Variants in CCDC85C observed in about 807,000 individuals in gnomAD.
CCDC85C encodes coiled-coil domain-containing protein 85C.
A neutral mutation model predicts 38.3 loss-of-function variants in CCDC85C; 18 were observed. The observed-to-expected ratio is 0.47, with a 90% CI of 0.33 to 0.70. The LOEUF is 0.70. CCDC85C is among the 30% of genes least tolerant of loss of function. The pLI is 0.03. For missense variants in CCDC85C, 566 were observed against 621.2 expected, an observed-to-expected ratio of 0.91 and a Z score of 0.94; for synonymous variants, 264 against 293.8, an observed-to-expected ratio of 0.90 and a Z score of 1.04.
intron 1 of CCDC85C, among the ~76,000 whole-genome samples, chr14:99,543,889 G>A (rs769025352): frequency 2.0e-5 from 3 of 152,228 alleles, no homozygotes; most frequent in Non-Finnish European, 4.4e-5. Flanking sequence ...ATGGAGCCAG[G>A]CAGGCCTCAG....
At chr14:99,575,235 G>A (rs1370724878) in intron 1 of CCDC85C, among the ~76,000 whole-genome samples, 2 of 152,214 alleles carry the variant, frequency 1.3e-5, no homozygotes, top group Admixed American at 1.3e-4. Context: ...AGGGCATTAG[G>A]ATGCTTAGTG....
At chr14:99,585,695 C>G (rs537484953) in intron 1 of CCDC85C, among the ~76,000 whole-genome samples, 1 of 152,322 alleles carries the variant, frequency 6.6e-6, no homozygotes, top group South Asian at 2.1e-4. Flanking sequence ...GCTGCCTTGT[C>G]GGAGATCGCA....
At chr14:99,515,361 G>C (rs1402508212) in intron 5 of CCDC85C, 26 bp from the exon 6 acceptor site, 5 of 1,510,524 alleles carry the variant, frequency 3.3e-6, no homozygotes, top group Non-Finnish European at 4.5e-6. Flanking sequence ...AGATGTGAGT[G>C]GTGGGACTCA....
intron 2 of CCDC85C, among the ~76,000 whole-genome samples, chr14:99,530,037 T>C (rs1595344592): frequency 6.6e-6 from 1 of 152,200 alleles, no homozygotes; most frequent in Admixed American, 6.5e-5. Flanking sequence ...TGCTGGCAGG[T>C]GGCACTAGTG....
In CCDC85C at chr14:99,572,980, T is replaced by C. The variant is rs1898387032; in HGVS notation, c.793+30187A>G. Reference sequence around the variant, plus strand: ...CCTACAAGATAGGATGGCAGCAGCCTCAGAGCAGAAGGCACCCTGGTGACC... The same window carrying C: ...CCTACAAGATAGGATGGCAGCAGCCCCAGAGCAGAAGGCACCCTGGTGACC... On this transcript the variant is annotated intron_variant, in intron 1 of 5. Transcript: ENST00000380243. This position sits in a 1 kb window ranked among gnomAD's most constrained non-coding sequence, Gnocchi z 4.4. The C allele has an allele frequency of 2.6e-6, 1 of 378,608 alleles. No individual in the cohort carries two copies. Among genetic ancestry groups the C allele is most frequent in the Admixed American group, 3.1e-5 (1 of 31,798 alleles). The allele number at this position is 378,608 out of a possible 1,614,324, so 23.5% of individuals were successfully genotyped here. A position where few individuals can be genotyped will look rare whatever the true frequency, so the allele number is the denominator to read the frequency against.
chr14:99,586,552 G>A (rs904514914), intron 1 of CCDC85C, among the ~76,000 whole-genome samples: 2 of 152,194 alleles, frequency 1.3e-5, no homozygotes, highest in Non-Finnish European at 2.9e-5. Flanking sequence ...CCATGGGCTT[G>A]GGGGCTCCGC....
At chr14:99,561,375 C>G (rs995197434) in intron 1 of CCDC85C, among the ~76,000 whole-genome samples, 2 of 152,216 alleles carry the variant, frequency 1.3e-5, no homozygotes, top group Admixed American at 6.5e-5. Flanking sequence ...GAGTGGACAG[C>G]CCCGTGACCA....
At position 99,503,109 on chromosome 14, in the gene CCDC85C, G is replaced by A. The variant is rs540966665; in HGVS notation, c.*12137C>T. The A allele has an allele frequency of 1.4e-5, 15 of 1,092,210 alleles. No homozygotes were observed. The highest frequency in any genetic ancestry group is 6.2e-5 in the South Asian group (5 of 80,012). 67.7% of individuals were successfully genotyped at this position (1,092,210 alleles called of 1,614,324 possible). On this transcript the variant is annotated 3_prime_UTR_variant, in exon 6 of 6. Coordinates refer to ENST00000380243, the MANE Select transcript of CCDC85C (RefSeq NM_001144995.2). The stretch of plus-strand genomic sequence containing the variant: ...AAGCAGGGGGTGTTCGCCGAAACTC[G>A]CAGTCCGACTGCTTGTCGGTGGGGA...
intron 2 of CCDC85C, among the ~76,000 whole-genome samples, chr14:99,526,912 G>GA (rs1174862165): frequency 6.6e-6 from 1 of 152,126 alleles, no homozygotes; most frequent in African/African-American, 2.4e-5. Flanking sequence ...GGCAGCTGGG[G>GA]CCACAGACTA....
chr14:99,544,209 G>A lies in CCDC85C; in HGVS notation c.794-8121C>T, dbSNP rs1458574896. ...GGCAGCAAGGCCAAGGTCACCCGGC[G>A]GGAACCTTGCAGGGCTGAGATTTGA... On this transcript the variant is annotated intron_variant, in intron 1 of 5. Coordinates refer to ENST00000380243, the MANE Select transcript of CCDC85C (RefSeq NM_001144995.2). The surrounding 1 kb of genome is among the most constrained non-coding windows in gnomAD (Gnocchi z 5.3). Among the ~76,000 whole-genome samples the A allele has an allele frequency of 1.3e-5, 2 of 152,132 alleles. No homozygotes were observed. The highest frequency in any genetic ancestry group is 2.4e-5 in the African/African-American group (1 of 41,428).
At position 99,533,138 on chromosome 14, in the gene CCDC85C, A is replaced by AGCCTTT. The variant is rs1897526228; in HGVS notation, c.867+2871_867+2876dup. Among the ~76,000 whole-genome samples the AGCCTTT allele has an allele frequency of 6.6e-6, 1 of 152,086 alleles. No homozygotes were observed. Among genetic ancestry groups the AGCCTTT allele is most frequent in the Non-Finnish European group, 1.5e-5 (1 of 68,002 alleles). On this transcript the variant is annotated intron_variant, in intron 2 of 5. Transcript: ENST00000380243. This position sits in a 1 kb window ranked among gnomAD's most constrained non-coding sequence, Gnocchi z 4.2. ...CTCTGGGGATGCCACCAGCTCCTGG[A>AGCCTTT]GCCTTTGTTATGAGGTTCAGGGGCC...
In CCDC85C at chr14:99,603,183, G is replaced by C; in HGVS notation, c.777C>G (p.Ile259Met). Residue 259 changes from isoleucine to methionine, a missense_variant, in exon 1 of 6, where the codon ATC (isoleucine) becomes ATG (methionine). This residue lies in a region of CCDC85C where 286 missense variants were observed against 276.4 expected (regional missense o/e 1.03). Coordinates refer to ENST00000380243, the MANE Select transcript of CCDC85C (RefSeq NM_001144995.2). The surrounding 1 kb of genome is among the most constrained non-coding windows in gnomAD (Gnocchi z 7.5). ...DLSAPPHHRS[I>M]PNGLHDPSST... ...AGTCCTTACCGTGCAGGCCGTTGGG[G>C]ATGCTGCGGTGGTGCGGCGGCGCCG... 2 of 1,408,326 alleles carry C rather than the reference G, an allele frequency of 1.4e-6. No homozygotes were observed. The highest frequency in any genetic ancestry group is 3.0e-5 in the African/African-American group (2 of 67,070). 87.2% of individuals were successfully genotyped at this position (1,408,326 alleles called of 1,614,324 possible).
Position 99,510,630 on chromosome 14 carries a change from C to A in CCDC85C, c.*4616G>T. On this transcript the variant is annotated 3_prime_UTR_variant, in exon 6 of 6. Transcript: ENST00000380243. ...ACGCCTCCCGCCTACCCACGCAGTC[C>A]CCCCTCATCCTCCTCCAGGGTTGGG... 7.1e-7 allele frequency: 1 copy of A among 1,402,888 alleles called. No individual in the cohort carries two copies. Among genetic ancestry groups the A allele is most frequent in the Non-Finnish European group, 9.3e-7 (1 of 1,078,528 alleles). 86.9% of individuals were successfully genotyped at this position (1,402,888 alleles called of 1,614,324 possible).
intron 1 of CCDC85C, among the ~76,000 whole-genome samples, chr14:99,583,546 C>A (rs1003588020): frequency 2.0e-5 from 3 of 151,336 alleles, no homozygotes; most frequent in Non-Finnish European, 4.4e-5. Flanking sequence ...GTGGCTCATG[C>A]CTGTTATCCC....
intron 3 of CCDC85C, 27 bp from the exon 4 acceptor site, chr14:99,517,210 C>G: frequency 6.7e-7 from 1 of 1,495,564 alleles, no homozygotes; most frequent in Non-Finnish European, 9.0e-7. Flanking sequence ...CACATCTCAG[C>G]TCACCCTGGC....
In CCDC85C at chr14:99,512,193, G is replaced by A. The variant is rs750904592; in HGVS notation, c.*3053C>T. 8.5e-5 allele frequency: 13 copies of A among 152,188 alleles called. No homozygotes were observed. Among genetic ancestry groups the A allele is most frequent in the Non-Finnish European group, 1.5e-4 (10 of 68,030 alleles). 9.4% of individuals were successfully genotyped at this position (152,188 alleles called of 1,614,324 possible). On this transcript the variant is annotated 3_prime_UTR_variant, in exon 6 of 6. Transcript: ENST00000380243. The stretch of plus-strand genomic sequence containing the variant: ...CTCCCCACGTCAGAGTGGTTGAATA[G>A]AAGGTAGAAACAGGCCGGGAGTCCA...
chr14:99,525,344 C>G (rs1222132358), intron 2 of CCDC85C, among the ~76,000 whole-genome samples: 2 of 152,160 alleles, frequency 1.3e-5, no homozygotes, highest in Non-Finnish European at 1.5e-5. Context: ...TGGGGCCACC[C>G]TGGGGTGACC....
intron 1 of CCDC85C, among the ~76,000 whole-genome samples, chr14:99,546,057 TGGG>T (rs113645352): frequency 6.9e-6 from 1 of 145,594 alleles, no homozygotes; most frequent in African/African-American, 2.5e-5. Flanking sequence ...GAAGTCTGCA[TGGG>T]GGGGGGGAAT....
chr14:99,541,411 C>T (rs1324982314), intron 1 of CCDC85C, among the ~76,000 whole-genome samples: 14 of 152,346 alleles, frequency 9.2e-5, no homozygotes. Context: ...GTGCCTGATG[C>T]TCCTGTCTCA....
Sources: allele counts gnomAD v4.1 joint callset (sites outside exome capture counted in the v4.1 genomes callset), GRCh38; gene constraint gnomAD v4.1.1; regional missense constraint gnomAD v4.1.1; non-coding constraint Gnocchi (gnomAD v3.1); transcripts MANE v1.5; gene names NCBI Gene and HGNC (gene_info 2026-07-23, HGNC 2026-07-21).